Variants in PLB1 observed in about 807,000 individuals in gnomAD.
The protein encoded by PLB1 is phospholipase B1.
Under a neutral mutation model 227.4 loss-of-function variants are expected in PLB1, and 242 were observed. The ratio of observed to expected loss-of-function variants is 1.06; its 90% CI spans 0.96 to 1.18. The LOEUF (loss-of-function observed/expected upper bound fraction) is 1.18, where lower values mean the gene tolerates loss of function less well. Ranked by LOEUF, PLB1 falls within the 50% of genes most tolerant of loss-of-function variation. PLB1 has a pLI of 0.00. For missense variants in PLB1, 1,858 were observed against 1,816.3 expected (o/e 1.02, Z -0.42); for synonymous variants, 757 against 682.2 (o/e 1.11, Z -1.71).
chr2:28,636,539 C>T (rs1297824108), intron 56 of PLB1, among the ~76,000 whole-genome samples: 2 of 152,106 alleles, frequency 1.3e-5, no homozygotes, highest in African/African-American at 4.8e-5. Flanking sequence ...ATATTCACAG[C>T]AGCACTATTT....
intron 29 of PLB1, among the ~76,000 whole-genome samples, chr2:28,590,614 C>T (rs1435267258): frequency 6.6e-6 from 1 of 152,096 alleles, no homozygotes; most frequent in African/African-American, 2.4e-5. Flanking sequence ...AGCAGCTGTC[C>T]TCGTCCCCAA....
intron 9 of PLB1, among the ~76,000 whole-genome samples, chr2:28,533,732 G>C (rs762479811): frequency 1.3e-5 from 2 of 152,186 alleles, no homozygotes; most frequent in Non-Finnish European, 2.9e-5. Flanking sequence ...ATGCATTTAT[G>C]AATACTTAGA....
At position 28,618,393 on chromosome 2, in the gene PLB1, TCTGA is replaced by T. The variant is rs1222522215; in HGVS notation, c.3313_3315+1del. 6.2e-7 allele frequency: 1 copy of T among 1,613,996 alleles called. No individual in the cohort carries two copies. The highest frequency in any genetic ancestry group is 2.2e-5 in the East Asian group (1 of 44,880). ...AAGTGGTGGCCGCCCTGGGTGACTCTCTGACTGTGAGTAGTGAGCCATGAACCAG... is the reference window on the plus strand; with the variant it reads ...AAGTGGTGGCCGCCCTGGGTGACTCTCTGTGAGTAGTGAGCCATGAACCAG... On this transcript the variant is annotated frameshift_variant and splice_region_variant, in exon 46 of 58. Transcript: ENST00000327757. LOFTEE classifies it high-confidence loss of function.
At chr2:28,605,536 C>A (rs61133196) in intron 41 of PLB1, among the ~76,000 whole-genome samples, 7,291 of 152,066 alleles carry the variant, frequency 0.048, 571 homozygotes, top group African/African-American at 0.16. Context: ...TCTGCGGGAC[C>A]AGGATCCCAC....
intron 44 of PLB1, among the ~76,000 whole-genome samples, chr2:28,615,556 C>T (rs1425576300): frequency 1.3e-5 from 2 of 152,176 alleles, no homozygotes; most frequent in African/African-American, 2.4e-5. Flanking sequence ...TTGCTGGCTG[C>T]GGGTTATGCT....
intron 43 of PLB1, among the ~76,000 whole-genome samples, chr2:28,612,769 ATT>A (rs10557060): frequency 0.017 from 2,137 of 124,896 alleles, 33 homozygotes; most frequent in African/African-American, 0.05. Flanking sequence ...CCACACCTGG[ATT>A]TTTTTTTTTT....
At chr2:28,634,578 A>G (rs1469438209) in intron 56 of PLB1, among the ~76,000 whole-genome samples, 1 of 152,198 alleles carries the variant, frequency 6.6e-6, no homozygotes, top group African/African-American at 2.4e-5. Flanking sequence ...CTGGAACATG[A>G]AAAAGAGTCC....
intron 57 of PLB1, among the ~76,000 whole-genome samples, 156 bp downstream of exon 57, chr2:28,641,157 G>A (rs961269319): frequency 2.0e-5 from 3 of 152,176 alleles, no homozygotes; most frequent in East Asian, 1.9e-4. Flanking sequence ...CAGTGCCACG[G>A]AAACTTCTCA....
intron 20 of PLB1, among the ~76,000 whole-genome samples, chr2:28,572,313 T>C (rs1678143708): frequency 6.6e-6 from 1 of 152,146 alleles, no homozygotes; most frequent in Non-Finnish European, 1.5e-5. Flanking sequence ...AATGTAAAAA[T>C]GGTGCACCTG....
intron 25 of PLB1, among the ~76,000 whole-genome samples, chr2:28,584,244 A>T (rs192154329): frequency 6.6e-6 from 1 of 152,322 alleles, no homozygotes; most frequent in East Asian, 1.9e-4. Flanking sequence ...TGCTCTTGGA[A>T]GTTAAGGGGT....
chr2:28,531,981 G>A, intron 8 of PLB1, 127 bp from the exon 9 acceptor site: 1 of 712,968 alleles, frequency 1.4e-6, no homozygotes, highest in South Asian at 1.9e-5. Context: ...TACTACTATT[G>A]AAAAAAATTC....
chr2:28,605,811 T>C, intron 41 of PLB1, 42 bp from the exon 42 acceptor site: 1 of 1,529,764 alleles, frequency 6.5e-7, no homozygotes, highest in Non-Finnish European at 9.1e-7. Context: ...TGGCTCCCTC[T>C]GAACCAATAG....
chr2:28,603,939 G>A, intron 39 of PLB1, 27 bp from the exon 40 acceptor site: 1 of 1,605,732 alleles, frequency 6.2e-7, no homozygotes, highest in Non-Finnish European at 8.5e-7. Flanking sequence ...GAGCTCTGGG[G>A]CCTCCTGCCT....
rs746999657 is a variant in PLB1, at chr2:28,590,022, G to A, written c.2034G>A (p.Gln678=). 6.2e-7 allele frequency: 1 copy of A among 1,613,832 alleles called. No individual in the cohort carries two copies. The highest frequency in any genetic ancestry group is 1.7e-5 in the Admixed American group (1 of 60,026). ...LWNNMLEPVG[Q]KTTRHKFENK... is the part of the protein sequence containing the mutation. ...TTGTTTAGCTGGAGCCTGTTGGCCA[G>A]AAGACGACTCGTCATAAGTTTGAAA... is the stretch of plus-strand genomic sequence containing the variant. Residue 678 remains glutamine (Q), a synonymous_variant, in exon 29 of 58, where the codon CAG becomes CAA. Coordinates refer to ENST00000327757, the MANE Select transcript of PLB1 (RefSeq NM_153021.5).
chr2:28,600,161 C>T (rs1573330286), intron 35 of PLB1, among the ~76,000 whole-genome samples: 1 of 152,102 alleles, frequency 6.6e-6, no homozygotes, highest in African/African-American at 2.4e-5. Context: ...CCACCCACCT[C>T]AGCCTCCCAA....
intron 13 of PLB1, among the ~76,000 whole-genome samples, chr2:28,542,047 C>T (rs1041130481): frequency 3.3e-5 from 5 of 151,576 alleles, no homozygotes; most frequent in African/African-American, 4.9e-5. Context: ...GCATGAGAAT[C>T]GCTTGAACCT....
chr2:28,597,242 C>G (rs894525733), intron 33 of PLB1, among the ~76,000 whole-genome samples: 9 of 135,164 alleles, frequency 6.7e-5, no homozygotes, highest in African/African-American at 2.3e-4. Context: ...CCAGCCTGGG[C>G]GACAGAGCAA....
At chr2:28,596,329 C>T (rs150634560) in intron 33 of PLB1, among the ~76,000 whole-genome samples, 150 of 152,248 alleles carry the variant, frequency 9.9e-4, no homozygotes, top group African/African-American at 3.3e-3. Context: ...AATATTTTTG[C>T]GCTTTTGTGT....
intron 14 of PLB1, chr2:28,548,387 C>T (rs559028289): frequency 5.3e-5 from 16 of 303,676 alleles, no homozygotes; most frequent in South Asian, 3.9e-4. Context: ...AGTAGCTGGG[C>T]AGCAAGGAGG....
Sources: allele counts gnomAD v4.1 joint callset (sites outside exome capture counted in the v4.1 genomes callset), GRCh38; gene constraint gnomAD v4.1.1; transcripts MANE v1.5; gene names NCBI Gene and HGNC (gene_info 2026-07-23, HGNC 2026-07-21).